Variants in PIP5K1B observed in about 807,000 individuals in gnomAD.
The protein encoded by PIP5K1B is phosphatidylinositol-4-phosphate 5-kinase type 1 beta.
PIP5K1B carries 42 observed loss-of-function variants against 67.0 expected under a neutral mutation model. The ratio of observed to expected loss-of-function variants is 0.63; its 90% CI spans 0.49 to 0.81. The LOEUF (loss-of-function observed/expected upper bound fraction) is 0.81. Among genes scored for constraint, PIP5K1B ranks in the 30% least tolerant of loss-of-function variants. PIP5K1B has a pLI of 0.00. For missense variants in PIP5K1B, 459 were observed against 646.3 expected (o/e 0.71, Z 3.14); for synonymous variants, 214 against 231.4 (o/e 0.92, Z 0.68).
intron 2 of PIP5K1B, chr9:68,780,303 A>T (rs1005221616): frequency 5.6e-6 from 9 of 1,599,198 alleles, no homozygotes; most frequent in African/African-American, 1.3e-5. Flanking sequence ...CCTCAGTGAC[A>T]CTTCGCCGGT....
chr9:68,808,826 G>A (rs76090268), intron 2 of PIP5K1B, among the ~76,000 whole-genome samples: 166 of 152,328 alleles, frequency 1.1e-3, no homozygotes, highest in African/African-American at 3.9e-3. Context: ...GATTCATAGC[G>A]AGCAGGTGCC....
intron 6 of PIP5K1B, among the ~76,000 whole-genome samples, chr9:68,886,618 T>A (rs1369074881): frequency 6.6e-6 from 1 of 152,190 alleles, no homozygotes; most frequent in African/African-American, 2.4e-5. Context: ...GATGAGAACA[T>A]CCAGGGCCAG....
At chr9:68,941,932 C>T (rs1213858518) in intron 14 of PIP5K1B, among the ~76,000 whole-genome samples, 2 of 152,172 alleles carry the variant, frequency 1.3e-5, no homozygotes, top group Non-Finnish European at 2.9e-5. Flanking sequence ...GGCGGCCAGT[C>T]TAGGTCCAGA....
chr9:68,999,139 C>G (rs1830711120), intron 15 of PIP5K1B, among the ~76,000 whole-genome samples: 1 of 152,144 alleles, frequency 6.6e-6, no homozygotes, highest in Non-Finnish European at 1.5e-5. Flanking sequence ...GGCCTTCTTC[C>G]CTGTGATGTT....
intron 8 of PIP5K1B, among the ~76,000 whole-genome samples, chr9:68,896,415 TGAGCTCAGGACTGA>T (rs1292646861): frequency 1.1e-4 from 17 of 152,132 alleles, no homozygotes; most frequent in Non-Finnish European, 2.4e-4. Context: ...TAGTGTTTCC[TGAGCTCAGGACTGA>T]GACCGCGAGG....
chr9:68,930,006 C>A (rs1188927233), intron 12 of PIP5K1B, among the ~76,000 whole-genome samples: 1 of 152,246 alleles, frequency 6.6e-6, no homozygotes, highest in Non-Finnish European at 1.5e-5. Flanking sequence ...GCATGTGAGA[C>A]CACTGATAGC....
chr9:68,989,128 A>G (rs2132944153), intron 14 of PIP5K1B, among the ~76,000 whole-genome samples: 1 of 149,952 alleles, frequency 6.7e-6, no homozygotes, highest in East Asian at 2.0e-4. Context: ...AAATCCACAC[A>G]ATTCTTTTAA....
At chr9:68,905,843 T>C (rs1235722925) in intron 8 of PIP5K1B, among the ~76,000 whole-genome samples, 1 of 152,106 alleles carries the variant, frequency 6.6e-6, no homozygotes, top group South Asian at 2.1e-4. Context: ...CATCCAGTGG[T>C]TCTGAACCTT....
intron 2 of PIP5K1B, among the ~76,000 whole-genome samples, chr9:68,800,052 G>T (rs1183870240): frequency 1.3e-5 from 2 of 152,174 alleles, no homozygotes; most frequent in African/African-American, 4.8e-5. Flanking sequence ...AAAATAAGGA[G>T]CCTGATTGAA....
chr9:68,735,316 C>CTTTTTTTTTTTTTT (rs558810934), intron 1 of PIP5K1B, among the ~76,000 whole-genome samples: 306 of 29,818 alleles, frequency 0.01, 84 homozygotes, highest in Middle Eastern at 0.056. Context: ...CCCCTAGTGT[C>CTTTTTTTTTTTTTT]TTTTTTTTTT....
At chr9:68,976,902 G>A (rs1376577014) in intron 14 of PIP5K1B, among the ~76,000 whole-genome samples, 1 of 152,156 alleles carries the variant, frequency 6.6e-6, no homozygotes, top group Middle Eastern at 3.2e-3. Flanking sequence ...CTATGGCCTG[G>A]GGGTTGGGGA....
chr9:68,832,272 T>A (rs1333126610), intron 4 of PIP5K1B, among the ~76,000 whole-genome samples: 1 of 152,226 alleles, frequency 6.6e-6, no homozygotes, highest in Non-Finnish European at 1.5e-5. Context: ...TATCTTGGAT[T>A]GTCAAGTTAG....
intron 15 of PIP5K1B, among the ~76,000 whole-genome samples, chr9:68,995,014 C>CA (rs1830542706): frequency 6.6e-6 from 1 of 151,748 alleles, no homozygotes; most frequent in Non-Finnish European, 1.5e-5. Flanking sequence ...CTTGGTGGTG[C>CA]ATGCCTGTAG....
At chr9:68,745,371 G>A (rs1287975657) in intron 2 of PIP5K1B, among the ~76,000 whole-genome samples, 1 of 152,212 alleles carries the variant, frequency 6.6e-6, no homozygotes. Flanking sequence ...AGAGGTTTAA[G>A]ACCAGTGAAA....
chr9:68,974,363 T>G (rs1829534822), intron 14 of PIP5K1B, among the ~76,000 whole-genome samples: 2 of 152,264 alleles, frequency 1.3e-5, no homozygotes, highest in African/African-American at 4.8e-5. Context: ...TCAATTCTAA[T>G]GCACATTAAA....
At chr9:68,999,545 T>TG (rs1385419947) in intron 15 of PIP5K1B, among the ~76,000 whole-genome samples, 10 of 152,292 alleles carry the variant, frequency 6.6e-5, no homozygotes, top group South Asian at 6.2e-4. Flanking sequence ...GTAAAATCCC[T>TG]GGGGGTGGAC....
At chr9:68,849,123 T>C (rs1822348397) in intron 4 of PIP5K1B, among the ~76,000 whole-genome samples, 1 of 152,122 alleles carries the variant, frequency 6.6e-6, no homozygotes, top group Non-Finnish European at 1.5e-5. Flanking sequence ...GAATCAAAGC[T>C]GAAGAAATAT....
intron 9 of PIP5K1B, 110 bp downstream of exon 9, chr9:68,917,869 T>G: frequency 1.3e-6 from 1 of 755,370 alleles, no homozygotes; most frequent in Non-Finnish European, 2.2e-6. Context: ...AATTAATTTC[T>G]ACTTGGTGCT....
chr9:68,839,828 G>T (rs910867293), intron 4 of PIP5K1B, among the ~76,000 whole-genome samples: 1 of 152,130 alleles, frequency 6.6e-6, no homozygotes, highest in Non-Finnish European at 1.5e-5. Context: ...AGCCATGGTC[G>T]TCTCCATTCC....
Sources: gnomAD v4.1 joint callset for allele counts (sites outside exome capture counted in the v4.1 genomes callset) on GRCh38, gnomAD v4.1.1 for gene constraint, MANE v1.5 for transcripts, NCBI Gene and HGNC (gene_info 2026-07-23, HGNC 2026-07-21) for gene names.